The following ZNF133 variants were observed in gnomAD, a reference collection of about 807,000 sequenced individuals.
The protein encoded by ZNF133 is zinc finger protein 133.
ZNF133 carries 26 observed loss-of-function variants against 54.9 expected under a neutral mutation model. The ratio of observed to expected loss-of-function variants is 0.47; its 90% CI spans 0.35 to 0.66. ZNF133 has a LOEUF of 0.66. Among genes scored for constraint, ZNF133 ranks in the 30% least tolerant of loss-of-function variants. The probability of loss-of-function intolerance (pLI) is 0.01; values close to 1 mark genes in which losing one functional copy is unlikely to be tolerated. For synonymous variants in ZNF133, 298 were observed against 320.3 expected, an observed-to-expected ratio of 0.93 and a Z score of 0.74; for missense variants, 653 against 820.8, an observed-to-expected ratio of 0.80 and a Z score of 2.50.
chr20:18,315,190 A>G lies in ZNF133; in HGVS notation c.339A>G (p.Ala113=), dbSNP rs1349790557. ...HPPWIFTCLC[A]EGNIQPGDPG... ...CCTGGATCTTCACATGCTTGTGTGC[A>G]GAAGGTAACATCCAGCCTGGGGATC... Residue 113 remains alanine (A), a synonymous_variant, in exon 7 of 7, where the codon GCA becomes GCG. Transcript: ENST00000425686. The G allele has an allele frequency of 3.7e-6, 6 of 1,613,734 alleles. No homozygotes were observed. The highest frequency in any genetic ancestry group is 1.1e-5 in the South Asian group (1 of 91,066).
In ZNF133 at chr20:18,305,533, G is replaced by T; in HGVS notation, c.-6-148G>T. The T allele has an allele frequency of 8.7e-7, 1 of 1,149,466 alleles. No homozygotes were observed. Among genetic ancestry groups the T allele is most frequent in the South Asian group, 1.5e-5 (1 of 66,688 alleles). The allele number at this position is 1,149,466 out of a possible 1,614,324, so 71.2% of individuals were successfully genotyped here. A position where few individuals can be genotyped will look rare whatever the true frequency, so the allele number is the denominator to read the frequency against. ...ATGCCACTGGCTGGATTGAGACAGG[G>T]ATTTAAAAGTCTTGGAACACATGGC... On this transcript the variant is annotated intron_variant, in intron 4 of 6. Transcript: ENST00000425686. The surrounding 1 kb of genome is among the most constrained non-coding windows in gnomAD (Gnocchi z 4.7).
In ZNF133 at chr20:18,316,456, C is replaced by T. The variant is rs767726341; in HGVS notation, c.1605C>T (p.Ala535=). The change falls in exon 7 of 7, where the codon GCC becomes GCT. Residue 535 remains alanine (A), a synonymous_variant. Transcript: ENST00000425686. The part of the protein sequence containing the change: ...RECGRGFSHQ[A]GLIRHKRKHS... ...GCGGGCGAGGCTTTAGCCACCAGGC[C>T]GGTCTCATCAGGCACAAGCGGAAGC... 33 of 1,614,066 alleles carry T rather than the reference C, an allele frequency of 2.0e-5. No individual in the cohort carries two copies. The East Asian group carries it at 3.1e-4, about 15-fold the overall frequency.
intron 3 of ZNF133, among the ~76,000 whole-genome samples, chr20:18,302,122 C>T (rs191932925): frequency 1.3e-5 from 2 of 152,192 alleles, no homozygotes; most frequent in East Asian, 1.9e-4. Context: ...GGTATATGGC[C>T]GGGCACGGTG....
chr20:18,309,986 TGGAGGCTG>T (rs2045504225), intron 6 of ZNF133, among the ~76,000 whole-genome samples: 1 of 152,176 alleles, frequency 6.6e-6, no homozygotes. Context: ...AATTGGCAGG[TGGAGGCTG>T]GGAAAATGCT....
chr20:18,305,662 G>A lies in ZNF133; in HGVS notation c.-6-19G>A. 6.2e-7 allele frequency: 1 copy of A among 1,614,064 alleles called. No individual in the cohort carries two copies. The highest frequency in any genetic ancestry group is 8.5e-7 in the Non-Finnish European group (1 of 1,179,996). ...CAAGGCTGGCTTCTGAGTGAGCAGG[G>A]CTCAGTTTTGTGTTACAGGCACACA... is the stretch of plus-strand genomic sequence containing the variant. On this transcript the variant is annotated intron_variant, in intron 4 of 6. Transcript: ENST00000425686. This position sits in a 1 kb window ranked among gnomAD's most constrained non-coding sequence, Gnocchi z 4.7.
chr20:18,304,831 G>T (rs1304128971), intron 3 of ZNF133, among the ~76,000 whole-genome samples, 177 bp from the exon 4 acceptor site: 2 of 152,066 alleles, frequency 1.3e-5, no homozygotes, highest in Non-Finnish European at 2.9e-5. Flanking sequence ...CTCCTAGGGG[G>T]CCCTCCCTGC....
chr20:18,316,486 G>A lies in ZNF133; in HGVS notation c.1635G>A (p.Ser545=), dbSNP rs370327178. Residue 545 remains serine, a synonymous_variant, in exon 7 of 7, where the codon TCG becomes TCA. Coordinates refer to ENST00000425686, the MANE Select transcript of ZNF133 (RefSeq NM_001352452.2). The part of the protein sequence containing the change: ...AGLIRHKRKH[S]REKPYMCRQC... ...TCATCAGGCACAAGCGGAAGCACTCGAGGGAGAAGCCCTACATGTGCAGGC... is the reference window on the plus strand; with the variant it reads ...TCATCAGGCACAAGCGGAAGCACTCAAGGGAGAAGCCCTACATGTGCAGGC... The A allele has an allele frequency of 4.0e-5, 65 of 1,613,964 alleles. No homozygotes were observed. Among genetic ancestry groups the A allele is most frequent in the Non-Finnish European group, 5.1e-5 (60 of 1,180,030 alleles).
chr20:18,305,600 AG>A lies in ZNF133; in HGVS notation c.-6-78del. 1 of 1,595,654 alleles carries A rather than the reference AG, an allele frequency of 6.3e-7. No individual in the cohort carries two copies. Among genetic ancestry groups the A allele is most frequent in the Non-Finnish European group, 8.6e-7 (1 of 1,169,332 alleles). The stretch of plus-strand genomic sequence containing the variant: ...TCTTGATATCTCACCTGCCTCCCCC[AG>A]GGCAGCCTTATCCCTGCCCCTCACC... On this transcript the variant is annotated intron_variant, in intron 4 of 6. Transcript: ENST00000425686. This position sits in a 1 kb window ranked among gnomAD's most constrained non-coding sequence, Gnocchi z 4.7.
rs764789251 is a variant in ZNF133, at chr20:18,315,370, GC to G, written c.521del (p.Pro174GlnfsTer13). ...CGTTCTCCAGGCCACCCCAGAGGCA[GC>G]CAGTCAGCTCTCGGAACGGCCTCAG... is the stretch of plus-strand genomic sequence containing the variant. ...GAFSRPPQRQ[P>X]VSSRNGLRGV... On this transcript the variant is annotated frameshift_variant, in exon 7 of 7. Transcript: ENST00000425686. LOFTEE classifies it high-confidence loss of function. The G allele has an allele frequency of 8.7e-6, 14 of 1,614,086 alleles. No homozygotes were observed. Among genetic ancestry groups the G allele is most frequent in the Non-Finnish European group, 1.1e-5 (13 of 1,180,038 alleles).
At position 18,316,874 on chromosome 20, in the gene ZNF133, G is replaced by A; in HGVS notation, c.*58G>A. Reference sequence around the variant, plus strand: ...AATGTTGACACTTTGATGAAATGGAGTAGAGAAATGCATTCTGTAAGTGGT... The same window carrying A: ...AATGTTGACACTTTGATGAAATGGAATAGAGAAATGCATTCTGTAAGTGGT... On this transcript the variant is annotated 3_prime_UTR_variant, in exon 7 of 7. Coordinates refer to ENST00000425686, the MANE Select transcript of ZNF133 (RefSeq NM_001352452.2). 1 of 1,517,706 alleles carries A rather than the reference G, an allele frequency of 6.6e-7. No homozygotes were observed. Among genetic ancestry groups the A allele is most frequent in the Non-Finnish European group, 8.8e-7 (1 of 1,131,856 alleles). 94.0% of individuals were successfully genotyped at this position (1,517,706 alleles called of 1,614,324 possible). A position where few individuals can be genotyped will look rare whatever the true frequency, so the allele number is the denominator to read the frequency against.
intron 3 of ZNF133, among the ~76,000 whole-genome samples, chr20:18,302,738 CGAAGTTATCT>C (rs1429663429): frequency 2.0e-5 from 3 of 152,134 alleles, no homozygotes; most frequent in African/African-American, 7.2e-5. Context: ...TGGGAAAAAG[CGAAGTTATCT>C]GAGTTTGCAG....
chr20:18,310,047 T>C lies in ZNF133; in HGVS notation c.217+3654T>C, dbSNP rs2045521157. On this transcript the variant is annotated intron_variant, in intron 6 of 6. Transcript: ENST00000425686. ...TACATTTACACAAATATGTGTTTTC[T>C]CAACCTGAAAAGTATAGAATTATCA... is the stretch of plus-strand genomic sequence containing the variant. 7 of 1,008,788 alleles carry C rather than the reference T, an allele frequency of 6.9e-6. No homozygotes were observed. The South Asian group carries it at 2.2e-4, about 31-fold the overall frequency. 62.5% of individuals were successfully genotyped at this position (1,008,788 alleles called of 1,614,324 possible).
At chr20:18,289,060 G>T (rs1441039279) in intron 1 of ZNF133, among the ~76,000 whole-genome samples, 1 of 152,178 alleles carries the variant, frequency 6.6e-6, no homozygotes, top group East Asian at 1.9e-4. Context: ...GGCATTGGTC[G>T]GTTGAGGGCT....
Position 18,306,338 on chromosome 20 carries a change from G to A in ZNF133, c.162G>A (p.Glu54=). 1 of 1,613,988 alleles carries A rather than the reference G, an allele frequency of 6.2e-7. No individual in the cohort carries two copies. Among genetic ancestry groups the A allele is most frequent in the Non-Finnish European group, 8.5e-7 (1 of 1,179,938 alleles). The change falls in exon 6 of 7, where the codon GAG becomes GAA. Residue 54 remains glutamate (E), a synonymous_variant. Transcript: ENST00000425686. ...AACCAGAACTCATCACCCAGCTGGA[G>A]CAAGGGAAAGAGACCTGGAGAGAGG... ...FSKPELITQL[E]QGKETWREEK...
intron 1 of ZNF133, among the ~76,000 whole-genome samples, chr20:18,291,474 A>G (rs932984631): frequency 1.3e-5 from 2 of 152,070 alleles, no homozygotes; most frequent in South Asian, 2.1e-4. Flanking sequence ...CCTAACTCAT[A>G]GCCTGCTCCT....
intron 1 of ZNF133, among the ~76,000 whole-genome samples, chr20:18,297,435 T>C (rs1325430062): frequency 1.3e-5 from 2 of 152,154 alleles, no homozygotes; most frequent in African/African-American, 4.8e-5. Flanking sequence ...GATCTCATAT[T>C]TGGGGTATAT....
intron 6 of ZNF133, among the ~76,000 whole-genome samples, chr20:18,309,084 C>T (rs1236052368): frequency 6.6e-6 from 1 of 152,216 alleles, no homozygotes; most frequent in Non-Finnish European, 1.5e-5. Flanking sequence ...ATGGCCCTTT[C>T]TCAATGCTCA....
At chr20:18,306,506 G>T (rs1202811606) in intron 6 of ZNF133, 113 bp downstream of exon 6, 14 of 1,113,554 alleles carry the variant, frequency 1.3e-5, no homozygotes, top group Non-Finnish European at 1.7e-5. Context: ...TGACCTCCTG[G>T]GCTGCTGTTT....
chr20:18,292,968 A>C (rs988334626), intron 1 of ZNF133, among the ~76,000 whole-genome samples: 5 of 152,194 alleles, frequency 3.3e-5, no homozygotes, highest in Non-Finnish European at 7.4e-5. Flanking sequence ...CAGAGGTGGA[A>C]TCCATTTGCC....
Sources: gnomAD v4.1 joint callset for allele counts (sites outside exome capture counted in the v4.1 genomes callset) on GRCh38, gnomAD v4.1.1 for gene constraint, Gnocchi (gnomAD v3.1) non-coding constraint, MANE v1.5 for transcripts, NCBI Gene and HGNC (gene_info 2026-07-23, HGNC 2026-07-21) for gene names.